Variants in GSE1 observed in about 807,000 individuals in gnomAD.
The protein encoded by GSE1 is Gse1 coiled-coil protein.
GSE1 carries 32 observed loss-of-function variants against 112.6 expected under a neutral mutation model. The ratio of observed to expected loss-of-function variants is 0.28; its 90% confidence interval spans 0.21 to 0.38. The LOEUF (loss-of-function observed/expected upper bound fraction) is 0.38, where lower values mean the gene tolerates loss of function less well. Ranked by LOEUF, GSE1 falls within the 10% of genes least tolerant of loss-of-function variation. The pLI, the probability that GSE1 is intolerant of heterozygous loss-of-function variation, is 1.00. For missense variants in GSE1, 2,348 were observed against 1,699.2 expected, an observed-to-expected ratio of 1.38 and a Z score of -6.71; for synonymous variants, 1,115 against 735.6, an observed-to-expected ratio of 1.52 and a Z score of -8.35.
chr16:85,635,895 C>T (rs763422217), intron 2 of GSE1, among the ~76,000 whole-genome samples: 4 of 152,236 alleles, frequency 2.6e-5, no homozygotes, highest in African/African-American at 4.8e-5. Flanking sequence ...GACTCGCCTT[C>T]CCTCCCTGGG....
chr16:85,235,118 T>A (rs1284828707), intron 1 of GSE1, among the ~76,000 whole-genome samples: 2 of 151,818 alleles, frequency 1.3e-5, no homozygotes, highest in Non-Finnish European at 2.9e-5. Flanking sequence ...GGCCCCAGAC[T>A]CCTCACCGCT....
intron 2 of GSE1, among the ~76,000 whole-genome samples, chr16:85,486,763 C>T (rs1271451881): frequency 2.6e-5 from 4 of 152,172 alleles, no homozygotes; most frequent in African/African-American, 4.8e-5. Context: ...AGGCTGTTCT[C>T]GGGGGTTCCC....
At chr16:85,438,513 C>A (rs1226220639) in intron 2 of GSE1, among the ~76,000 whole-genome samples, 2 of 152,178 alleles carry the variant, frequency 1.3e-5, no homozygotes, top group Admixed American at 6.5e-5. Flanking sequence ...TCGGGACAAT[C>A]TAGAAGGTAG....
chr16:85,622,176 G>T (rs1224187286), intron 1 of GSE1, among the ~76,000 whole-genome samples: 1 of 152,176 alleles, frequency 6.6e-6, no homozygotes, highest in Non-Finnish European at 1.5e-5. Flanking sequence ...TTGGATGAGG[G>T]AGTCCAGGAC....
intron 1 of GSE1, among the ~76,000 whole-genome samples, chr16:85,596,001 C>T (rs2047211125): frequency 6.8e-6 from 1 of 148,014 alleles, no homozygotes; most frequent in Admixed American, 6.8e-5. Context: ...TCCATCCGCC[C>T]ACCCATTCTC....
rs1194826780 is a variant in GSE1 at position 85,473,005 on chromosome 16, G to T, written c.2464+115362G>T. ...CTCCACATGGGCACAGGCGAGGGAG[G>T]CTGAGGAGTTTTGGGGTGGGGGCAC... On this transcript the variant is annotated intron_variant, in intron 2 of 2. Transcript: ENST00000637419. Among the ~76,000 whole-genome samples, 8 of 152,278 alleles carry T rather than the reference G, an allele frequency of 5.3e-5. No individual in the cohort carries two copies. In the East Asian group the frequency reaches 1.5e-3, roughly 29 times the overall value.
chr16:85,656,324 C>T lies in GSE1; in HGVS notation c.990-19C>T, dbSNP rs755757654. ...GTTCCTGGTGCAGCAGAGCCCCCAACTCTTTCCATGTGCTGCAGGCTGCAG... is the reference window on the plus strand; with the variant it reads ...GTTCCTGGTGCAGCAGAGCCCCCAATTCTTTCCATGTGCTGCAGGCTGCAG... On this transcript the variant is annotated intron_variant, in intron 6 of 15. Transcript: ENST00000253458. 9 of 1,609,654 alleles carry T rather than the reference C, an allele frequency of 5.6e-6. No individual in the cohort carries two copies. Among genetic ancestry groups the T allele is most frequent in the Admixed American group, 3.4e-5 (2 of 59,674 alleles).
chr16:85,631,790 A>G (rs1047854443), intron 1 of GSE1, among the ~76,000 whole-genome samples: 1 of 152,250 alleles, frequency 6.6e-6, no homozygotes, highest in East Asian at 1.9e-4. Context: ...TGACAGGCAA[A>G]GTAACTTGCC....
intron 1 of GSE1, among the ~76,000 whole-genome samples, chr16:85,205,133 ATTTT>A (rs1327255310): frequency 1.3e-4 from 20 of 150,984 alleles, no homozygotes; most frequent in Admixed American, 3.3e-4. Context: ...TTATTTATTT[ATTTT>A]TTATTTTTTT....
chr16:85,329,557 C>T (rs1487422812), intron 1 of GSE1, among the ~76,000 whole-genome samples: 3 of 151,998 alleles, frequency 2.0e-5, no homozygotes, highest in Non-Finnish European at 4.4e-5. Flanking sequence ...GCTGTGGGAG[C>T]CGCTCAGAGG....
chr16:85,351,716 G>A (rs978922932), intron 1 of GSE1, among the ~76,000 whole-genome samples: 10 of 152,184 alleles, frequency 6.6e-5, no homozygotes, highest in African/African-American at 2.4e-4. Context: ...TGGGCTGGGC[G>A]CAGTGGCTCA....
chr16:85,461,290 G>A (rs940608797), intron 2 of GSE1, among the ~76,000 whole-genome samples: 2 of 152,196 alleles, frequency 1.3e-5, no homozygotes, highest in African/African-American at 4.8e-5. Context: ...GCAGCGCTGT[G>A]ACCCCCAGTT....
chr16:85,617,107 G>T (rs1217448550), intron 1 of GSE1, among the ~76,000 whole-genome samples: 1 of 152,236 alleles, frequency 6.6e-6, no homozygotes, highest in Non-Finnish European at 1.5e-5. Flanking sequence ...CATCCCGTCT[G>T]CCTGGGATTC....
At chr16:85,440,081 C>T (rs958575133) in intron 2 of GSE1, among the ~76,000 whole-genome samples, 2 of 152,246 alleles carry the variant, frequency 1.3e-5, no homozygotes, top group Non-Finnish European at 2.9e-5. Flanking sequence ...ATTGACATCC[C>T]GTGTCTTGTT....
At chr16:85,489,515 C>T (rs530587923) in intron 2 of GSE1, among the ~76,000 whole-genome samples, 6 of 152,214 alleles carry the variant, frequency 3.9e-5, no homozygotes, top group East Asian at 3.9e-4. Context: ...GTGCAGCCAT[C>T]GGACCCAGAC....
intron 2 of GSE1, among the ~76,000 whole-genome samples, chr16:85,512,445 A>G (rs567118074): frequency 2.0e-5 from 3 of 152,160 alleles, no homozygotes; most frequent in East Asian, 1.9e-4. Context: ...CTACTCCCCA[A>G]ATCCTGGCTG....
rs1382943737 is a variant in GSE1, at chr16:85,268,887, G to GTCTCGCCATCC, written c.2284-88576_2284-88575insTCTCGCCATCC. ...CTCAGACACAGGCCCTGAAGGATGG[G>GTCTCGCCATCC]ACCCATTTCTACTTGAGGGGGGACC... is the stretch of plus-strand genomic sequence containing the variant. On this transcript the variant is annotated intron_variant, in intron 1 of 2. Coordinates refer to the GSE1 transcript ENST00000637419. Among the ~76,000 whole-genome samples, 108 of 150,230 alleles carry GTCTCGCCATCC rather than the reference G, an allele frequency of 7.2e-4. 6 individuals are homozygous for GTCTCGCCATCC. Among genetic ancestry groups the GTCTCGCCATCC allele is most frequent in the Non-Finnish European group, 1.0e-3 (69 of 66,686 alleles).
intron 2 of GSE1, among the ~76,000 whole-genome samples, chr16:85,527,848 G>A (rs2052413488): frequency 1.3e-5 from 2 of 152,276 alleles, no homozygotes; most frequent in African/African-American, 2.4e-5. Flanking sequence ...TGGGAACAGA[G>A]TCAGGGAATA....
chr16:85,661,653 G>A lies in GSE1; in HGVS notation c.2148G>A (p.Val716=). Residue 716 remains valine, a synonymous_variant, in exon 9 of 16, where the codon GTG becomes GTA. Coordinates refer to ENST00000253458, the MANE Select transcript of GSE1 (RefSeq NM_014615.5). The part of the protein sequence containing the change: ...LKPGSPYRPP[V]PRAPDPAYIY... ...CTGGCTCGCCCTACCGGCCCCCAGT[G>A]CCACGGGCCCCCGACCCTGCCTACA... 6.2e-7 allele frequency: 1 copy of A among 1,611,230 alleles called. No homozygotes were observed. Among genetic ancestry groups the A allele is most frequent in the Non-Finnish European group, 8.5e-7 (1 of 1,179,444 alleles).
Sources: allele counts gnomAD v4.1 joint callset (sites outside exome capture counted in the v4.1 genomes callset), GRCh38; gene constraint gnomAD v4.1.1; transcripts MANE v1.5; gene names NCBI Gene and HGNC (gene_info 2026-07-23, HGNC 2026-07-21).